Variants in INPP4B observed in about 807,000 individuals in gnomAD.
INPP4B encodes inositol polyphosphate-4-phosphatase type II B, also known as inositol polyphosphate 4-phosphatase type II.
INPP4B carries 55 observed loss-of-function variants against 122.5 expected under a neutral mutation model. The observed-to-expected ratio is 0.45, with a 90% CI of 0.36 to 0.56. INPP4B has a LOEUF of 0.56. Ranked by LOEUF, INPP4B falls within the 20% of genes least tolerant of loss-of-function variation. The pLI, the probability that INPP4B is intolerant of heterozygous loss-of-function variation, is 0.00. For missense variants in INPP4B, 1,000 were observed against 1,097.7 expected (o/e 0.91, Z 1.26); for synonymous variants, 403 against 388.7 (o/e 1.04, Z -0.43).
chr4:142,249,924 A>G (rs1731103814), intron 11 of INPP4B, among the ~76,000 whole-genome samples: 1 of 152,194 alleles, frequency 6.6e-6, no homozygotes, highest in African/African-American at 2.4e-5. Context: ...CTCACCTCCA[A>G]TAGAAAATAG....
At chr4:142,672,150 A>G (rs1336219804) in intron 2 of INPP4B, among the ~76,000 whole-genome samples, 2 of 152,188 alleles carry the variant, frequency 1.3e-5, no homozygotes, top group Non-Finnish European at 2.9e-5. Context: ...ACACATTTTC[A>G]TAGTTTACAT....
intron 9 of INPP4B, among the ~76,000 whole-genome samples, chr4:142,276,099 A>G (rs1230652537): frequency 6.6e-6 from 1 of 151,738 alleles, no homozygotes; most frequent in Admixed American, 6.6e-5. Context: ...AAGTCCTACC[A>G]ATTCTTCCTC....
At chr4:142,425,550 A>T (rs1807858942) in intron 5 of INPP4B, among the ~76,000 whole-genome samples, 1 of 151,904 alleles carries the variant, frequency 6.6e-6, no homozygotes, top group Non-Finnish European at 1.5e-5. Flanking sequence ...GTGTCATTTC[A>T]ATGTCTAGTA....
At chr4:142,739,400 GA>G (rs1427240687) in intron 1 of INPP4B, among the ~76,000 whole-genome samples, 53 of 152,066 alleles carry the variant, frequency 3.5e-4, no homozygotes, top group Non-Finnish European at 5.9e-5. Flanking sequence ...TGTCCAATAG[GA>G]AAATATGAAG....
intron 2 of INPP4B, among the ~76,000 whole-genome samples, chr4:142,515,858 T>A (rs1174172191): frequency 1.3e-5 from 2 of 152,174 alleles, no homozygotes; most frequent in Admixed American, 6.5e-5. Context: ...CTTGAAAAAA[T>A]TTAAATGCTT....
At chr4:142,602,609 A>G (rs966532421) in intron 2 of INPP4B, among the ~76,000 whole-genome samples, 30 of 152,238 alleles carry the variant, frequency 2.0e-4, no homozygotes, top group African/African-American at 7.0e-4. Context: ...AAACATATGA[A>G]AAAAAGCTCA....
intron 2 of INPP4B, among the ~76,000 whole-genome samples, chr4:142,483,528 G>A (rs966860433): frequency 1.3e-5 from 2 of 152,004 alleles, no homozygotes. Flanking sequence ...AGTCAATTGT[G>A]TAAACTTGAA....
intron 2 of INPP4B, among the ~76,000 whole-genome samples, chr4:142,464,233 T>G (rs1231478474): frequency 6.6e-6 from 1 of 152,162 alleles, no homozygotes; most frequent in South Asian, 2.1e-4. Context: ...TTTTCTCTAT[T>G]TTATTATCAG....
At chr4:142,476,816 G>C (rs1004455405) in intron 2 of INPP4B, among the ~76,000 whole-genome samples, 4 of 152,136 alleles carry the variant, frequency 2.6e-5, no homozygotes, top group Admixed American at 6.5e-5. Flanking sequence ...CAAGTTCTTA[G>C]ATACCTAAGA....
intron 1 of INPP4B, among the ~76,000 whole-genome samples, chr4:142,830,558 GT>G (rs1216888925): frequency 2.0e-5 from 3 of 152,070 alleles, no homozygotes; most frequent in Non-Finnish European, 4.4e-5. Flanking sequence ...TCTTGAGTGT[GT>G]TCCCTGCTGG....
At chr4:142,556,705 T>C (rs901677595) in intron 2 of INPP4B, among the ~76,000 whole-genome samples, 1 of 139,810 alleles carries the variant, frequency 7.2e-6, no homozygotes, top group Admixed American at 7.6e-5. Context: ...GATGTGTTAT[T>C]TAGGAAAAAA....
chr4:142,075,899 C>T (rs934012462), intron 25 of INPP4B, among the ~76,000 whole-genome samples: 1 of 152,044 alleles, frequency 6.6e-6, no homozygotes, highest in African/African-American at 2.4e-5. Context: ...ATTTAAAAAT[C>T]TGTGTTTGTG....
At chr4:142,199,752 G>T (rs764409797) in intron 14 of INPP4B, among the ~76,000 whole-genome samples, 2 of 151,948 alleles carry the variant, frequency 1.3e-5, no homozygotes, top group African/African-American at 2.4e-5. Flanking sequence ...TTTGTCATTA[G>T]ACTTAGGTTG....
chr4:142,644,882 A>T (rs1751392974), intron 2 of INPP4B, among the ~76,000 whole-genome samples: 1 of 130,428 alleles, frequency 7.7e-6, no homozygotes, highest in African/African-American at 2.8e-5. Context: ...CTCCAGCCTG[A>T]GTGACAGAGC....
chr4:142,623,797 C>G (rs184969875), intron 2 of INPP4B, among the ~76,000 whole-genome samples: 227 of 151,322 alleles, frequency 1.5e-3, no homozygotes, highest in African/African-American at 5.5e-3. Flanking sequence ...CAATTCCCAC[C>G]TATGAGTGAG....
At chr4:142,186,164 T>A (rs1007588519) in intron 15 of INPP4B, among the ~76,000 whole-genome samples, 1 of 152,212 alleles carries the variant, frequency 6.6e-6, no homozygotes, top group Non-Finnish European at 1.5e-5. Context: ...AAACATTTTT[T>A]GTGGAAATAT....
At chr4:142,341,522 C>T (rs561649837) in intron 7 of INPP4B, among the ~76,000 whole-genome samples, 5 of 152,060 alleles carry the variant, frequency 3.3e-5, no homozygotes, top group South Asian at 2.1e-4. Context: ...ATGACTCCCC[C>T]GGCAACCCCA....
At chr4:142,217,283 T>G (rs1487855241) in intron 12 of INPP4B, among the ~76,000 whole-genome samples, 1 of 152,198 alleles carries the variant, frequency 6.6e-6, no homozygotes, top group African/African-American at 2.4e-5. Flanking sequence ...ATTTCCAACA[T>G]GGGGCAAATG....
intron 9 of INPP4B, among the ~76,000 whole-genome samples, chr4:142,282,039 T>C (rs1233807189): frequency 2.0e-5 from 3 of 152,108 alleles, no homozygotes; most frequent in African/African-American, 4.8e-5. Context: ...ATGGAACTTA[T>C]ATTCTAGTGA....
Sources: gnomAD v4.1 joint callset for allele counts (sites outside exome capture counted in the v4.1 genomes callset) on GRCh38, gnomAD v4.1.1 for gene constraint, MANE v1.5 for transcripts, NCBI Gene and HGNC (gene_info 2026-07-23, HGNC 2026-07-21) for gene names.